The following CNTN5 variants were observed in gnomAD, a reference collection of about 807,000 sequenced individuals.
The protein encoded by CNTN5 is contactin 5.
In CNTN5, 77 loss-of-function variants were observed where a neutral mutation model predicts 129.1. The observed-to-expected ratio is 0.60, with a 90% CI of 0.50 to 0.72. The LOEUF is 0.72. Among genes scored for constraint, CNTN5 ranks in the 30% least tolerant of loss-of-function variants. The pLI, the probability that CNTN5 is intolerant of heterozygous loss-of-function variation, is 0.00. For missense variants in CNTN5, 1,478 were observed against 1,328.8 expected (o/e 1.11, Z -1.75); for synonymous variants, 509 against 465.6 (o/e 1.09, Z -1.20).
At chr11:99,568,753 T>C (rs1949084062) in intron 3 of CNTN5, among the ~76,000 whole-genome samples, 1 of 152,244 alleles carries the variant, frequency 6.6e-6, no homozygotes, top group South Asian at 2.1e-4. Context: ...ATTACAAGAA[T>C]GAGTTAAATG....
chr11:99,709,947 T>G (rs1954904679), intron 3 of CNTN5, among the ~76,000 whole-genome samples: 1 of 151,908 alleles, frequency 6.6e-6, no homozygotes, highest in South Asian at 2.1e-4. Context: ...TATCAGTGAT[T>G]AAAGTACATT....
chr11:100,315,618 T>C (rs972134238), intron 21 of CNTN5, among the ~76,000 whole-genome samples: 2 of 152,136 alleles, frequency 1.3e-5, no homozygotes, highest in African/African-American at 4.8e-5. Context: ...AAAATGGTGG[T>C]CTTTTCCTTT....
chr11:99,557,943 C>CA (rs552546885), intron 3 of CNTN5, among the ~76,000 whole-genome samples: 110 of 151,430 alleles, frequency 7.3e-4, no homozygotes, highest in African/African-American at 2.6e-3. Context: ...ACTGAAAAAA[C>CA]AAAAAACCAA....
At chr11:99,863,492 GT>G (rs1293244888) in intron 6 of CNTN5, among the ~76,000 whole-genome samples, 1 of 152,110 alleles carries the variant, frequency 6.6e-6, no homozygotes, top group Non-Finnish European at 1.5e-5. Flanking sequence ...TATCTAGGAT[GT>G]GAGGAAGTGA....
At chr11:99,025,582 C>T (rs1329121912) in intron 1 of CNTN5, among the ~76,000 whole-genome samples, 1 of 151,640 alleles carries the variant, frequency 6.6e-6, no homozygotes, top group Non-Finnish European at 1.5e-5. Flanking sequence ...TTGAAATTCT[C>T]TTCCTTTTGT....
intron 9 of CNTN5, among the ~76,000 whole-genome samples, chr11:100,027,434 C>T (rs372796397): frequency 2.0e-4 from 31 of 152,262 alleles, no homozygotes; most frequent in Non-Finnish European, 8.8e-5. Flanking sequence ...TCTTAGTACT[C>T]GAACAAATGC....
intron 10 of CNTN5, 169 bp from the exon 11 acceptor site, chr11:100,070,255 T>C: frequency 1.9e-6 from 1 of 522,542 alleles, no homozygotes; most frequent in Non-Finnish European, 3.2e-6. Context: ...TTTTTGGGGG[T>C]ACAGGAAATA....
At chr11:99,705,412 G>T (rs1440587411) in intron 3 of CNTN5, among the ~76,000 whole-genome samples, 1 of 151,238 alleles carries the variant, frequency 6.6e-6, no homozygotes, top group Non-Finnish European at 1.5e-5. Context: ...CTACAGAAAA[G>T]ACTCCATGCC....
chr11:100,224,879 T>C, intron 16 of CNTN5, 67 bp downstream of exon 16: 1 of 1,525,392 alleles, frequency 6.6e-7, no homozygotes, highest in Non-Finnish European at 9.1e-7. Flanking sequence ...GGAATTTAAA[T>C]GCATGGACTT....
intron 9 of CNTN5, among the ~76,000 whole-genome samples, chr11:100,003,310 C>A (rs1029497267): frequency 3.3e-5 from 5 of 151,986 alleles, no homozygotes; most frequent in Admixed American, 6.6e-5. Context: ...TCTGAGGAAG[C>A]CTCCTAAACC....
At chr11:100,245,177 T>C (rs901166339) in intron 16 of CNTN5, among the ~76,000 whole-genome samples, 2 of 152,042 alleles carry the variant, frequency 1.3e-5, no homozygotes, top group Admixed American at 6.6e-5. Flanking sequence ...GTCTCTCCAC[T>C]CCATCATCTA....
chr11:99,195,482 A>G (rs868403329), intron 1 of CNTN5, among the ~76,000 whole-genome samples: 3 of 152,124 alleles, frequency 2.0e-5, no homozygotes, highest in South Asian at 2.1e-4. Flanking sequence ...GCGCTCCTTT[A>G]TACTGAATTC....
At chr11:99,154,896 C>T (rs190423954) in intron 1 of CNTN5, among the ~76,000 whole-genome samples, 14 of 152,244 alleles carry the variant, frequency 9.2e-5, no homozygotes, top group African/African-American at 3.4e-4. Context: ...CCTAAAGAAG[C>T]ATGAAAACCC....
chr11:99,966,268 T>C (rs989010275), intron 8 of CNTN5, among the ~76,000 whole-genome samples: 1 of 152,214 alleles, frequency 6.6e-6, no homozygotes, highest in African/African-American at 2.4e-5. Context: ...CTCTCTCTTA[T>C]AAAATGTATT....
chr11:99,221,613 T>C (rs1860399711), intron 1 of CNTN5, among the ~76,000 whole-genome samples: 1 of 151,954 alleles, frequency 6.6e-6, no homozygotes, highest in South Asian at 2.1e-4. Context: ...TTAATAATCA[T>C]AGCCTTTTTA....
chr11:100,337,754 G>A (rs1348982617), intron 21 of CNTN5: 5 of 390,512 alleles, frequency 1.3e-5, no homozygotes, highest in South Asian at 7.3e-5. Context: ...GGTCTCCACC[G>A]ACATCCTTTT....
chr11:99,087,539 A>G (rs1403491497), intron 1 of CNTN5, among the ~76,000 whole-genome samples: 2 of 152,196 alleles, frequency 1.3e-5, no homozygotes, highest in Non-Finnish European at 2.9e-5. Context: ...AGTGGAAGGG[A>G]CATAATACTC....
At chr11:99,856,515 A>G (rs1948039061) in intron 6 of CNTN5, among the ~76,000 whole-genome samples, 1 of 152,180 alleles carries the variant, frequency 6.6e-6, no homozygotes, top group Non-Finnish European at 1.5e-5. Context: ...AGATGTGATC[A>G]GAGTAACTTC....
chr11:99,374,199 T>C (rs80351121), intron 2 of CNTN5, among the ~76,000 whole-genome samples: 22,091 of 152,142 alleles, frequency 0.15, 1,630 homozygotes, highest in Middle Eastern at 0.23. Flanking sequence ...AATTTCAGAG[T>C]TGAAAAATGT....
Sources: gnomAD v4.1 joint callset for allele counts (sites outside exome capture counted in the v4.1 genomes callset) on GRCh38, gnomAD v4.1.1 for gene constraint, MANE v1.5 for transcripts, NCBI Gene and HGNC (gene_info 2026-07-23, HGNC 2026-07-21) for gene names.